Variants in DGKZ observed in about 807,000 individuals in gnomAD.
The protein encoded by DGKZ is diacylglycerol kinase zeta.
DGKZ carries 45 observed loss-of-function variants against 142.5 expected under a neutral mutation model. That is an observed-to-expected ratio of 0.32 (90% CI 0.25 to 0.40). The LOEUF is 0.40. DGKZ is among the 10% of genes least tolerant of loss of function. The pLI is 1.00. For missense variants in DGKZ, 755 were observed against 1,306.5 expected (o/e 0.58, Z 6.51); for synonymous variants, 442 against 527.0 (o/e 0.84, Z 2.21).
chr11:46,360,800 AG>A (rs1447484885), intron 1 of DGKZ, among the ~76,000 whole-genome samples: 1 of 151,902 alleles, frequency 6.6e-6, no homozygotes, highest in Non-Finnish European at 1.5e-5. Context: ...AAAAAAAAAA[AG>A]AGTTTAAAGA....
exon 8 of DGKZ, chr11:46,371,600 C>G (rs372052436): frequency 1.8e-4 from 289 of 1,611,680 alleles, no homozygotes; most frequent in Non-Finnish European, 2.4e-4. Context: ...CCCGGAGGCC[C>G]CAGGTGAGTA....
intron 1 of DGKZ, among the ~76,000 whole-genome samples, chr11:46,353,115 C>T (rs1941614223): frequency 6.6e-6 from 1 of 152,168 alleles, no homozygotes. Context: ...TAACAGCTGC[C>T]AGAAGCTTGT....
rs1342223070 is a variant in DGKZ at position 46,347,492 on chromosome 11, C to T, written c.-168C>T. 7 of 982,410 alleles carry T rather than the reference C, an allele frequency of 7.1e-6. No homozygotes were observed. In the Admixed American group the frequency reaches 3.1e-4, roughly 44 times the overall value. The allele number at this position is 982,410 out of a possible 1,614,324, so 60.9% of individuals were successfully genotyped here. A position where few individuals can be genotyped will look rare whatever the true frequency, so the allele number is the denominator to read the frequency against. ...CTTCCTGGAGCGGCGGCGGCAGCGG[C>T]TTCCCGGGCACCTGGGCGTGGGGAG... On this transcript the variant is annotated 5_prime_UTR_variant, in exon 1 of 31. Transcript: ENST00000527911. This position sits in a 1 kb window ranked among gnomAD's most constrained non-coding sequence, Gnocchi z 6.4.
chr11:46,375,140 C>G (rs1455809031), intron 19 of DGKZ, 95 bp downstream of exon 19: 2 of 1,155,858 alleles, frequency 1.7e-6, no homozygotes, highest in African/African-American at 3.1e-5. Flanking sequence ...CGGCCTAGTT[C>G]ACCCTCACCT....
At chr11:46,337,578 A>G (rs1467163073) in intron 1 of DGKZ, among the ~76,000 whole-genome samples, 2 of 151,934 alleles carry the variant, frequency 1.3e-5, no homozygotes, top group East Asian at 3.9e-4. Flanking sequence ...TTACAGGCAT[A>G]AGCCACCGCG....
intron 16 of DGKZ, 21 bp downstream of exon 16, chr11:46,374,475 C>G: frequency 6.2e-7 from 1 of 1,613,924 alleles, no homozygotes; most frequent in Non-Finnish European, 8.5e-7. Flanking sequence ...TCTGCACCCC[C>G]GCCTGTGCCC....
intron 26 of DGKZ, 74 bp from the exon 27 acceptor site, chr11:46,378,383 C>T (rs1163356428): frequency 6.4e-7 from 1 of 1,550,398 alleles, no homozygotes; most frequent in East Asian, 2.3e-5. Flanking sequence ...CTGGCCGGCA[C>T]AGTCCTGTCC....
In DGKZ at chr11:46,371,686, C is replaced by A; in HGVS notation, c.760-18C>A. On this transcript the variant is annotated intron_variant, in intron 8 of 30. Transcript: ENST00000527911. ...CAGCCTGCCCACCTCGTCACCAACA[C>A]CCCTGCTTCCCTTGCAGAATACTCT... 10 of 1,613,954 alleles carry A rather than the reference C, an allele frequency of 6.2e-6. No individual in the cohort carries two copies. Among genetic ancestry groups the A allele is most frequent in the Non-Finnish European group, 8.5e-6 (10 of 1,179,960 alleles).
At chr11:46,344,893 G>A (rs1398373369), upstream of DGKZ, among the ~76,000 whole-genome samples, 2 of 152,096 alleles carry the variant, frequency 1.3e-5, no homozygotes, top group African/African-American at 2.4e-5. Flanking sequence ...CCTGATCCAG[G>A]CCACACAGAG....
At chr11:46,368,100 T>C (rs1157045227) in intron 4 of DGKZ, 21 bp downstream of exon 4, 2 of 1,613,258 alleles carry the variant, frequency 1.2e-6, no homozygotes, top group Non-Finnish European at 1.7e-6. Flanking sequence ...AGCTCAGCTT[T>C]GCCCGCCCCT....
intron 1 of DGKZ, among the ~76,000 whole-genome samples, chr11:46,357,799 C>T (rs1406609155): frequency 1.3e-5 from 2 of 152,084 alleles, no homozygotes; most frequent in African/African-American, 2.4e-5. Context: ...AGGGGTGTTC[C>T]GTTGGCTGTG....
intron 1 of DGKZ, among the ~76,000 whole-genome samples, chr11:46,358,461 A>G (rs1274993641): frequency 6.6e-6 from 1 of 152,134 alleles, no homozygotes; most frequent in Non-Finnish European, 1.5e-5. Flanking sequence ...TAGACAAACT[A>G]GTCAGATGTA....
At position 46,369,482 on chromosome 11, in the gene DGKZ, C is replaced by T. The variant is rs76712654; in HGVS notation, c.445-12C>T. ...GTTCTGACATTTTGGTGGTCACTGC[C>T]ATGTTTCACAGATAAATTTCCGCTG... On this transcript the variant is annotated splice_polypyrimidine_tract_variant and intron_variant, in intron 4 of 30. Transcript: ENST00000527911. 15,527 of 1,614,078 alleles carry T rather than the reference C, an allele frequency of 9.6e-3. 96 individuals carry two copies. The highest frequency in any genetic ancestry group is 0.012 in the Non-Finnish European group (13,590 of 1,179,998).
At chr11:46,345,371 T>C, upstream of DGKZ, 1 of 1,346,316 alleles carries the variant, frequency 7.4e-7, no homozygotes, top group Non-Finnish European at 9.5e-7. This position sits in a 1 kb window ranked among gnomAD's most constrained non-coding sequence, Gnocchi z 4.1. Flanking sequence ...CCCACCCCCG[T>C]CAGGAAGTGC....
At chr11:46,348,729 G>A (rs1323924786) in intron 1 of DGKZ, among the ~76,000 whole-genome samples, 2 of 152,222 alleles carry the variant, frequency 1.3e-5, no homozygotes, top group African/African-American at 4.8e-5. Flanking sequence ...GTGAGCCGCT[G>A]CCTGCCCTGG....
rs1943944448 is a variant in DGKZ, at chr11:46,371,518, A to G, written c.674A>G (p.Gln225Arg). The change falls in exon 8 of 31, where the codon CAG (glutamine) becomes CGG (arginine). Residue 225 changes from glutamine (Q) to arginine (R), a missense_variant. By Grantham distance (43) the Gln-to-Arg change is conservative. Around this residue, in one of 8 missense-constraint regions of DGKZ, gnomAD observed 142 missense variants for 244.4 expected, o/e 0.58. Transcript: ENST00000527911. The stretch of plus-strand genomic sequence containing the variant: ...AGCAAGGTGTCCTGCTTCATGCTGC[A>G]GCAGATCGAGGAGCCGTGCTCGCTG... The G allele has an allele frequency of 8.1e-6, 13 of 1,609,116 alleles. No homozygotes were observed. Among genetic ancestry groups the G allele is most frequent in the African/African-American group, 1.3e-5 (1 of 74,880 alleles).
Position 46,367,206 on chromosome 11 carries a change from C to T in DGKZ, c.162-85C>T, listed in dbSNP as rs1337823815. On this transcript the variant is annotated intron_variant, in intron 1 of 30. Coordinates refer to ENST00000527911, the Ensembl canonical transcript of DGKZ. This position sits in a 1 kb window ranked among gnomAD's most constrained non-coding sequence, Gnocchi z 4.1. Reference sequence around the variant, plus strand: ...TCCGCCCTCCCTGTTGCCGAGGTCACGGAAAGGGCAGAGGCCCCAGGAGGT... The same window carrying T: ...TCCGCCCTCCCTGTTGCCGAGGTCATGGAAAGGGCAGAGGCCCCAGGAGGT... 1.3e-5 allele frequency: 18 copies of T among 1,377,570 alleles called. No individual in the cohort carries two copies. The highest frequency in any genetic ancestry group is 9.9e-5 in the South Asian group (8 of 80,596). The allele number at this position is 1,377,570 out of a possible 1,614,324, so 85.3% of individuals were successfully genotyped here. A position where few individuals can be genotyped will look rare whatever the true frequency, so the allele number is the denominator to read the frequency against.
intron 1 of DGKZ, among the ~76,000 whole-genome samples, chr11:46,337,253 C>T (rs1306149894): frequency 2.0e-5 from 3 of 148,786 alleles, no homozygotes; most frequent in Non-Finnish European, 4.4e-5. Context: ...GGCTTCCAAA[C>T]TGGATCACCT....
upstream of DGKZ, among the ~76,000 whole-genome samples, chr11:46,342,852 G>A (rs570081313): frequency 8.5e-5 from 13 of 152,288 alleles, no homozygotes; most frequent in African/African-American, 3.1e-4. Flanking sequence ...GGCCAGGTGC[G>A]GTGGCTCATG....
Sources: allele counts gnomAD v4.1 joint callset (sites outside exome capture counted in the v4.1 genomes callset), GRCh38; gene constraint gnomAD v4.1.1; regional missense constraint gnomAD v4.1.1; non-coding constraint Gnocchi (gnomAD v3.1); transcripts MANE v1.5; gene names NCBI Gene and HGNC (gene_info 2026-07-23, HGNC 2026-07-21).